Variants in LRRC69 observed in about 807,000 individuals in gnomAD.
LRRC69 encodes leucine rich repeat containing 69.
In LRRC69, 42 loss-of-function variants were observed where a neutral mutation model predicts 37.8. The ratio of observed to expected loss-of-function variants is 1.11; its 90% CI spans 0.87 to 1.44. LRRC69 has a LOEUF of 1.44. Among genes scored for constraint, LRRC69 ranks in the 40% most tolerant of loss-of-function variants. LRRC69 has a pLI of 0.00. For synonymous variants in LRRC69, 141 were observed against 143.1 expected (o/e 0.99, Z 0.11); for missense variants, 357 against 401.9 (o/e 0.89, Z 0.96).
chr8:91,201,683 C>T (rs1420224299), intron 7 of LRRC69, among the ~76,000 whole-genome samples: 1 of 151,902 alleles, frequency 6.6e-6, no homozygotes, highest in East Asian at 1.9e-4. Context: ...TTGGTGAGCC[C>T]TTGGCCTTCC....
chr8:91,200,661 T>C (rs1809696183), exon 7 of LRRC69: 2 of 1,478,496 alleles, frequency 1.4e-6, no homozygotes, highest in African/African-American at 1.5e-5. Context: ...AAATAACCCT[T>C]TCCTAATGGA....
chr8:91,191,418 T>G (rs952975113), intron 6 of LRRC69, among the ~76,000 whole-genome samples: 8 of 152,206 alleles, frequency 5.3e-5, no homozygotes, highest in African/African-American at 1.9e-4. Context: ...GGTACTGTTC[T>G]AAGCACTTAA....
At chr8:91,212,302 T>G (rs1159763371) in intron 7 of LRRC69, among the ~76,000 whole-genome samples, 3 of 152,084 alleles carry the variant, frequency 2.0e-5, no homozygotes, top group African/African-American at 7.2e-5. Flanking sequence ...ATGCATTTAA[T>G]AGTTTTCATT....
At chr8:91,171,622 G>A (rs1400946453) in intron 5 of LRRC69, among the ~76,000 whole-genome samples, 4 of 152,074 alleles carry the variant, frequency 2.6e-5, no homozygotes, top group East Asian at 3.9e-4. Flanking sequence ...TCATATCCAC[G>A]TTGGGAAGCT....
intron 5 of LRRC69, among the ~76,000 whole-genome samples, chr8:91,188,045 A>T (rs1486616544): frequency 6.6e-6 from 1 of 151,782 alleles, no homozygotes; most frequent in Non-Finnish European, 1.5e-5. Context: ...AACCCTTCTC[A>T]TTTCAGCACA....
chr8:91,190,318 A>G (rs1233906852), intron 6 of LRRC69, among the ~76,000 whole-genome samples: 1 of 151,712 alleles, frequency 6.6e-6, no homozygotes, highest in Non-Finnish European at 1.5e-5. Flanking sequence ...TGTTTATTGC[A>G]GAAAACAATA....
intron 5 of LRRC69, among the ~76,000 whole-genome samples, chr8:91,144,537 T>G (rs560418432): frequency 6.6e-6 from 1 of 152,110 alleles, no homozygotes; most frequent in Non-Finnish European, 1.5e-5. Flanking sequence ...CAGACCAGAT[T>G]CCTCTGGAAA....
chr8:91,157,718 A>G (rs1448700152), intron 5 of LRRC69: 1 of 1,604,000 alleles, frequency 6.2e-7, no homozygotes, highest in Non-Finnish European at 8.5e-7. Flanking sequence ...ATATACTGTG[A>G]ACCAATGCAG....
At chr8:91,192,719 T>G (rs949509953) in intron 6 of LRRC69, among the ~76,000 whole-genome samples, 2 of 152,118 alleles carry the variant, frequency 1.3e-5, no homozygotes, top group East Asian at 1.9e-4. Context: ...TAAATTTGTT[T>G]GAGTTCTTTG....
exon 1 of LRRC69, chr8:91,102,673 ATTG>A: frequency 6.5e-7 from 1 of 1,550,326 alleles, no homozygotes; most frequent in Non-Finnish European, 8.7e-7. Flanking sequence ...TGACTGAGAG[ATTG>A]TTAATAAAAG....
chr8:91,154,651 C>T lies in LRRC69; in HGVS notation c.651+18912C>T, dbSNP rs1174613192. On this transcript the variant is annotated intron_variant, in intron 5 of 7. Coordinates refer to ENST00000448384, the Ensembl canonical transcript of LRRC69. ...CCATGATTATCTCAATAGATGCAGA[C>T]AGTCTTCGATAAAATTCAACATCCC... is the stretch of plus-strand genomic sequence containing the variant. Among the ~76,000 whole-genome samples, 98 of 147,996 alleles carry T rather than the reference C, an allele frequency of 6.6e-4. 1 individual carries two copies. The highest frequency in any genetic ancestry group is 6.6e-3 in the Admixed American group (98 of 14,858).
At chr8:91,199,522 AAAATT>A (rs139526258) in intron 6 of LRRC69, among the ~76,000 whole-genome samples, 4,477 of 152,266 alleles carry the variant, frequency 0.029, 76 homozygotes, top group Middle Eastern at 0.044. Flanking sequence ...TAATTTCTTT[AAAATT>A]AAATTAATTT....
chr8:91,215,419 T>C (rs940987697), intron 7 of LRRC69, among the ~76,000 whole-genome samples: 1 of 152,158 alleles, frequency 6.6e-6, no homozygotes, highest in African/African-American at 2.4e-5. Context: ...ACCAATTATG[T>C]TGAATGATTT....
intron 4 of LRRC69, 26 bp from the exon 5 acceptor site, chr8:91,135,642 T>A: frequency 7.5e-7 from 1 of 1,342,096 alleles, no homozygotes; most frequent in South Asian, 1.5e-5. Context: ...ATTTAAAAAA[T>A]CTCTCTCTTC....
At chr8:91,120,025 A>G (rs1586229049) in intron 1 of LRRC69, among the ~76,000 whole-genome samples, 1 of 151,660 alleles carries the variant, frequency 6.6e-6, no homozygotes, top group Middle Eastern at 3.2e-3. Flanking sequence ...ACTATCATTT[A>G]TCTTGGGGGT....
intron 6 of LRRC69, among the ~76,000 whole-genome samples, chr8:91,191,184 G>C (rs767156589): frequency 1.3e-5 from 2 of 151,822 alleles, no homozygotes; most frequent in African/African-American, 2.4e-5. Flanking sequence ...TGTAAAGTTT[G>C]ATTTATTTTT....
At chr8:91,118,216 C>T (rs573322707) in intron 1 of LRRC69, 2 of 455,186 alleles carry the variant, frequency 4.4e-6, no homozygotes, top group African/African-American at 2.0e-5. Flanking sequence ...TGTAAAATTT[C>T]CTTCTAGGCC....
At chr8:91,138,931 TG>T (rs1223694813) in intron 5 of LRRC69, 2 of 151,734 alleles carry the variant, frequency 1.3e-5, no homozygotes, top group Non-Finnish European at 2.9e-5. Flanking sequence ...CTGGGTTTAG[TG>T]GTACACCCTG....
At chr8:91,166,305 C>T (rs1329147297) in intron 5 of LRRC69, among the ~76,000 whole-genome samples, 1 of 151,584 alleles carries the variant, frequency 6.6e-6, no homozygotes, top group Non-Finnish European at 1.5e-5. Context: ...CTCATACACA[C>T]TATTACAGTA....
Sources: gnomAD v4.1 joint callset for allele counts (sites outside exome capture counted in the v4.1 genomes callset) on GRCh38, gnomAD v4.1.1 for gene constraint, MANE v1.5 for transcripts, NCBI Gene and HGNC (gene_info 2026-07-23, HGNC 2026-07-21) for gene names.